RALGPS2: variants seen among roughly 807,000 people sequenced by gnomAD.
RALGPS2 encodes the protein Ral GEF with PH domain and SH3 binding motif 2, also known as ras-specific guanine nucleotide-releasing factor RalGPS2.
A neutral mutation model predicts 86.8 loss-of-function variants in RALGPS2; 43 were observed. That is an observed-to-expected ratio of 0.50 (90% CI 0.39 to 0.64). RALGPS2 has a LOEUF of 0.64. Ranked by LOEUF, RALGPS2 falls within the 30% of genes least tolerant of loss-of-function variation. The pLI is 0.00. For synonymous variants in RALGPS2, 243 were observed against 231.3 expected (o/e 1.05, Z -0.46); for missense variants, 536 against 694.6 (o/e 0.77, Z 2.57).
chr1:178,831,964 A>C (rs955291716), intron 7 of RALGPS2, among the ~76,000 whole-genome samples: 3 of 152,160 alleles, frequency 2.0e-5, no homozygotes, highest in Non-Finnish European at 4.4e-5. Flanking sequence ...ATTAGTTACG[A>C]GTTCTAAGTA....
At chr1:178,734,617 ATAT>A (rs1196612814) in intron 1 of RALGPS2, among the ~76,000 whole-genome samples, 2 of 152,242 alleles carry the variant, frequency 1.3e-5, no homozygotes, top group African/African-American at 4.8e-5. Context: ...TGTTGCCATA[ATAT>A]TTGAGAAGAG....
intron 15 of RALGPS2, among the ~76,000 whole-genome samples, chr1:178,893,294 T>C (rs144178315): frequency 0.017 from 2,506 of 151,816 alleles, 35 homozygotes; most frequent in Non-Finnish European, 0.027. Flanking sequence ...GAGTTTTGGG[T>C]TTTTTCCTTT....
intron 1 of RALGPS2, among the ~76,000 whole-genome samples, chr1:178,762,676 T>C (rs1048297754): frequency 1.3e-5 from 2 of 152,218 alleles, no homozygotes; most frequent in African/African-American, 4.8e-5. Flanking sequence ...GTTCATGTCC[T>C]TTGCCCACTT....
In RALGPS2 at chr1:178,920,948, C is replaced by T. The variant is rs1647276656; in HGVS notation, c.*4589C>T. The T allele has an allele frequency of 6.6e-6, 1 of 151,938 alleles. No homozygotes were observed. Among genetic ancestry groups the T allele is most frequent in the Admixed American group, 6.6e-5 (1 of 15,252 alleles). The allele number at this position is 151,938 out of a possible 1,614,324, so 9.4% of individuals were successfully genotyped here. A position where few individuals can be genotyped will look rare whatever the true frequency, so the allele number is the denominator to read the frequency against. ...AAAATATACAAGAAAGTAAAAATAT[C>T]TCTAATATATAAGTTAAAGGAAAGT... On this transcript the variant is annotated 3_prime_UTR_variant, in exon 20 of 20. Coordinates refer to ENST00000367635, the MANE Select transcript of RALGPS2 (RefSeq NM_152663.5).
intron 4 of RALGPS2, among the ~76,000 whole-genome samples, chr1:178,799,559 C>T (rs1654369726): frequency 6.6e-6 from 1 of 152,104 alleles, no homozygotes; most frequent in Non-Finnish European, 1.5e-5. Context: ...ACACCAGCTG[C>T]CCGTCTTTGG....
intron 8 of RALGPS2, among the ~76,000 whole-genome samples, chr1:178,866,827 T>C (rs1220458567): frequency 1.3e-5 from 2 of 152,214 alleles, no homozygotes; most frequent in Non-Finnish European, 2.9e-5. Flanking sequence ...TCGTTTTTGC[T>C]GTAGCAGATG....
At chr1:178,800,780 T>C (rs570040856) in intron 4 of RALGPS2, among the ~76,000 whole-genome samples, 24 of 152,286 alleles carry the variant, frequency 1.6e-4, no homozygotes, top group African/African-American at 5.8e-4. Context: ...CAACTGTATT[T>C]ACTACTCTTT....
At chr1:178,811,637 A>T (rs1654980079) in intron 6 of RALGPS2, among the ~76,000 whole-genome samples, 1 of 152,082 alleles carries the variant, frequency 6.6e-6, no homozygotes, top group Admixed American at 6.6e-5. Context: ...TAGCTGAATT[A>T]TGTGATCTGT....
chr1:178,904,231 A>G (rs1660300127), intron 18 of RALGPS2, among the ~76,000 whole-genome samples: 1 of 151,932 alleles, frequency 6.6e-6, no homozygotes, highest in Non-Finnish European at 1.5e-5. Context: ...TTTTGAGTTC[A>G]TTGTAGATTC....
chr1:178,778,012 A>G (rs1362853459), intron 2 of RALGPS2, among the ~76,000 whole-genome samples: 8 of 141,958 alleles, frequency 5.6e-5, no homozygotes, highest in African/African-American at 1.7e-4. Flanking sequence ...AACACCAAAA[A>G]CAATGGCAAC....
intron 1 of RALGPS2, among the ~76,000 whole-genome samples, chr1:178,760,822 A>T (rs1025856296): frequency 6.6e-6 from 1 of 152,064 alleles, no homozygotes; most frequent in African/African-American, 2.4e-5. Flanking sequence ...TTATACCTGG[A>T]TATCTATCTC....
chr1:178,830,412 A>G (rs1655962338), intron 7 of RALGPS2, among the ~76,000 whole-genome samples: 2 of 152,164 alleles, frequency 1.3e-5, no homozygotes, highest in Non-Finnish European at 2.9e-5. Context: ...AAGAACCCAG[A>G]AATACCTCCT....
intron 19 of RALGPS2, 32 bp from the exon 20 acceptor site, chr1:178,916,298 T>C (rs1244073851): frequency 1.3e-6 from 2 of 1,547,334 alleles, no homozygotes; most frequent in East Asian, 4.5e-5. Flanking sequence ...AAACAACTTT[T>C]AAACTCAGTT....
chr1:178,892,125 A>C (rs753029081), intron 14 of RALGPS2, 105 bp from the exon 15 acceptor site: 173 of 1,009,482 alleles, frequency 1.7e-4, no homozygotes, highest in Non-Finnish European at 2.4e-4. Context: ...TAAGATTTAG[A>C]AAGCTATATT....
At chr1:178,727,612 A>G (rs1558090088) in intron 1 of RALGPS2, among the ~76,000 whole-genome samples, 1 of 152,206 alleles carries the variant, frequency 6.6e-6, no homozygotes, top group Non-Finnish European at 1.5e-5. Flanking sequence ...TGTGAGTAAT[A>G]TATTTTTGTG....
rs535183088 is a variant in RALGPS2, at chr1:178,768,578, C to T, written c.-83-8104C>T. ...AAAGTGGCTGGGTGTACACTTGATC[C>T]TTGTTTACTGGGAGATGCTCTCTGT... On this transcript the variant is annotated intron_variant, in intron 1 of 19. Coordinates refer to ENST00000367635, the MANE Select transcript of RALGPS2 (RefSeq NM_152663.5). Among the ~76,000 whole-genome samples, 9 of 152,324 alleles carry T rather than the reference C, an allele frequency of 5.9e-5. No individual in the cohort carries two copies. The South Asian group carries it at 1.7e-3, about 28-fold the overall frequency.
At chr1:178,746,626 A>C (rs2102033486) in intron 1 of RALGPS2, 2 of 752,772 alleles carry the variant, frequency 2.7e-6, no homozygotes, top group Non-Finnish European at 5.0e-6. Context: ...TCAGGTCTTG[A>C]TTTGCACATC....
At chr1:178,914,732 A>G (rs1660746603) in intron 19 of RALGPS2, among the ~76,000 whole-genome samples, 1 of 152,070 alleles carries the variant, frequency 6.6e-6, no homozygotes, top group Non-Finnish European at 1.5e-5. Flanking sequence ...ATTGTTTCAA[A>G]TATATATGCA....
intron 1 of RALGPS2, among the ~76,000 whole-genome samples, chr1:178,757,532 G>A (rs1396012089): frequency 6.6e-6 from 1 of 152,084 alleles, no homozygotes; most frequent in African/African-American, 2.4e-5. Context: ...AGCTTATTCT[G>A]TATCTATTGA....
Sources: allele counts gnomAD v4.1 joint callset (sites outside exome capture counted in the v4.1 genomes callset), GRCh38; gene constraint gnomAD v4.1.1; transcripts MANE v1.5; gene names NCBI Gene and HGNC (gene_info 2026-07-23, HGNC 2026-07-21).